The following PLCB2 variants were observed in gnomAD, a reference collection of about 807,000 sequenced individuals.
PLCB2 encodes the protein phospholipase C beta 2.
In PLCB2, 115 loss-of-function variants were observed where a neutral mutation model predicts 141.7. The observed-to-expected ratio is 0.81, with a 90% CI of 0.70 to 0.95. PLCB2 has a LOEUF of 0.95. Ranked by LOEUF, PLCB2 falls within the 40% of genes least tolerant of loss-of-function variation. PLCB2 has a pLI of 0.00. For synonymous variants in PLCB2, 603 were observed against 595.6 expected (o/e 1.01, Z -0.18); for missense variants, 1,403 against 1,541.1 (o/e 0.91, Z 1.50).
At chr15:40,299,317 G>A in intron 7 of PLCB2, 89 bp from the exon 8 acceptor site, 1 of 838,378 alleles carries the variant, frequency 1.2e-6, no homozygotes. Flanking sequence ...AAGGGGACCT[G>A]GTCAGAAGGC....
rs199647108 is a variant in PLCB2, at chr15:40,302,557, A to C, written c.284T>G (p.Leu95Arg). 144 of 1,614,080 alleles carry C rather than the reference A, an allele frequency of 8.9e-5. No homozygotes were observed. Among genetic ancestry groups the C allele is most frequent in the Non-Finnish European group, 1.5e-5 (18 of 1,180,020 alleles). The stretch of plus-strand genomic sequence containing the variant: ...GGACACCACCGTGAGTGTCTTCAGC[A>C]GGAAACTGTTATCAGGAAAGTCCAT... ...FNMDFPDNSF[L>R]LKTLTVVSGP... Residue 95 changes from leucine to arginine, a missense_variant, in exon 4 of 32, where the codon CTG (leucine) becomes CGG (arginine). Leu to Arg is a moderately radical substitution (Grantham distance 102). Coordinates refer to ENST00000260402, the MANE Select transcript of PLCB2 (RefSeq NM_004573.3).
Position 40,298,890 on chromosome 15 carries a change from C to T in PLCB2, c.758G>A (p.Arg253Gln), listed in dbSNP as rs748125161. The change falls in exon 9 of 32, where the codon CGG becomes CAG. Residue 253 changes from arginine (R) to glutamine (Q), a missense_variant. Physicochemically the swap from Arg to Gln is conservative, Grantham distance 43. This residue lies in a region of PLCB2 where 975 missense variants were observed against 1,141.1 expected (regional missense o/e 0.85). Transcript: ENST00000260402. The part of the protein sequence containing the change: ...KFINQKQRDS[R>Q]LNSLLFPPAR... Reference sequence around the variant, plus strand: ...TGGCGGGAACAGCAGGGAGTTAAGCCGGGAGTCCCGCTGTTTCTGGTTGAT... The same window carrying T: ...TGGCGGGAACAGCAGGGAGTTAAGCTGGGAGTCCCGCTGTTTCTGGTTGAT... 50 of 1,611,594 alleles carry T rather than the reference C, an allele frequency of 3.1e-5. No homozygotes were observed. The highest frequency in any genetic ancestry group is 3.9e-5 in the Non-Finnish European group (46 of 1,180,002).
At position 40,297,876 on chromosome 15, in the gene PLCB2, C is replaced by A. The variant is rs371919575; in HGVS notation, c.1238+1G>T. 3.1e-6 allele frequency: 5 copies of A among 1,611,676 alleles called. No individual in the cohort carries two copies. The Admixed American group carries it at 8.3e-5, about 27-fold the overall frequency. Reference sequence around the variant, plus strand: ...GTGGCTGAATGGGCCTGGATACGCACGAGTCCACATGGTTCTCAAACGACA... The same window carrying A: ...GTGGCTGAATGGGCCTGGATACGCAAGAGTCCACATGGTTCTCAAACGACA... On this transcript the variant is annotated splice_donor_variant, in intron 12 of 31. Coordinates refer to ENST00000260402, the MANE Select transcript of PLCB2 (RefSeq NM_004573.3). LOFTEE classifies it high-confidence loss of function. The surrounding 1 kb of genome is among the most constrained non-coding windows in gnomAD (Gnocchi z 4.2).
chr15:40,304,178 C>A, intron 1 of PLCB2, 100 bp from the exon 2 acceptor site: 1 of 755,956 alleles, frequency 1.3e-6, no homozygotes. Flanking sequence ...CCAGGAGGTG[C>A]CCATCCCAGA....
chr15:40,291,115 A>G lies in PLCB2; in HGVS notation c.2939T>C (p.Val980Ala), dbSNP rs1199631860. ...CTCCAGCCTGTCTTTCAGCTCCCGC[A>G]CGCGCCCGTCCACGCCCTCAGGGCC... ...GEGPEGVDGR[V>A]RELKDRLELE... is the part of the protein sequence containing the mutation. Residue 980 changes from valine to alanine, a missense_variant, in exon 27 of 32, where the codon GTG (valine) becomes GCG (alanine). Physicochemically the swap from Val to Ala is moderately conservative, Grantham distance 64. Around this residue, in one of 4 missense-constraint regions of PLCB2, gnomAD observed 290 missense variants for 245.9 expected, o/e 1.18. Transcript: ENST00000260402. 6.3e-7 allele frequency: 1 copy of G among 1,580,756 alleles called. No individual in the cohort carries two copies. Among genetic ancestry groups the G allele is most frequent in the Non-Finnish European group, 8.5e-7 (1 of 1,171,460 alleles).
chr15:40,284,571 G>A (rs772100472), downstream of PLCB2: 63 of 454,390 alleles, frequency 1.4e-4, 1 homozygote, highest in South Asian at 9.8e-4. Flanking sequence ...GCCGGGTGCA[G>A]TGGCTCACGC....
downstream of PLCB2, among the ~76,000 whole-genome samples, chr15:40,286,295 C>A (rs1339311928): frequency 6.6e-6 from 1 of 152,138 alleles, no homozygotes; most frequent in African/African-American, 2.4e-5. Context: ...AGGCCCCAGG[C>A]TGGCAGAAGG....
At position 40,307,896 on chromosome 15, in the gene PLCB2, C is replaced by A; in HGVS notation, c.-224G>T. The A allele has an allele frequency of 2.6e-6, 1 of 379,798 alleles. No individual in the cohort carries two copies. The highest frequency in any genetic ancestry group is 4.7e-6 in the Non-Finnish European group (1 of 213,612). 23.5% of individuals were successfully genotyped at this position (379,798 alleles called of 1,614,324 possible). On this transcript the variant is annotated 5_prime_UTR_variant, in exon 1 of 32. Coordinates refer to ENST00000260402, the MANE Select transcript of PLCB2 (RefSeq NM_004573.3). ...TGCCTTGTAAATCACCCTCCTCCCACCCGCCCTGCCTGCCATGGGGGCCTG... is the reference window on the plus strand; with the variant it reads ...TGCCTTGTAAATCACCCTCCTCCCAACCGCCCTGCCTGCCATGGGGGCCTG...
At position 40,295,238 on chromosome 15, in the gene PLCB2, A is replaced by G; in HGVS notation, c.1744T>C (p.Tyr582His). 1.9e-6 allele frequency: 3 copies of G among 1,613,968 alleles called. No individual in the cohort carries two copies. Among genetic ancestry groups the G allele is most frequent in the Non-Finnish European group, 2.5e-6 (3 of 1,179,846 alleles). ...ACCGAGGCCTTGGAGAGCAGGTCAT[A>G]TGCCTTGAGCTCTGTGAAGGACGAG... ...VISSFTELKA[Y>H]DLLSKASVQF... The change falls in exon 17 of 32, where the codon TAT becomes CAT. Residue 582 changes from tyrosine to histidine, a missense_variant. Physicochemically the swap from Tyr to His is moderately conservative, Grantham distance 83. Transcript: ENST00000260402.
downstream of PLCB2, chr15:40,285,839 G>A (rs1011904138): frequency 2.1e-5 from 21 of 985,362 alleles, 1 homozygote; most frequent in South Asian, 1.9e-4. Flanking sequence ...AACCCAGAAT[G>A]GGCACTTTCT....
chr15:40,294,061 G>A (rs540605243), intron 19 of PLCB2, among the ~76,000 whole-genome samples: 8 of 152,290 alleles, frequency 5.3e-5, no homozygotes, highest in African/African-American at 1.7e-4. Context: ...AGCCCTTCCC[G>A]TTGGTTTCCA....
At chr15:40,286,235 C>T (rs1054498441), downstream of PLCB2, among the ~76,000 whole-genome samples, 1 of 152,036 alleles carries the variant, frequency 6.6e-6, no homozygotes, top group Non-Finnish European at 1.5e-5. Flanking sequence ...GTCATACTCA[C>T]CTCCCCTCCT....
At position 40,298,346 on chromosome 15, in the gene PLCB2, C is replaced by A; in HGVS notation, c.1032G>T (p.Met344Ile). ...GQFSGLSSAE[M>I]YRQVLLSGCR... ...AGCCAGAGAGCAGCACCTGGCGGTACATCTCAGCCGAGGAGAGGCCTGAGA... is the reference window on the plus strand; with the variant it reads ...AGCCAGAGAGCAGCACCTGGCGGTAAATCTCAGCCGAGGAGAGGCCTGAGA... Residue 344 changes from methionine to isoleucine, a missense_variant, in exon 11 of 32, where the codon ATG becomes ATT. Met to Ile is a conservative substitution (Grantham distance 10). Transcript: ENST00000260402. 1 of 1,599,722 alleles carries A rather than the reference C, an allele frequency of 6.3e-7. No individual in the cohort carries two copies. Among genetic ancestry groups the A allele is most frequent in the Non-Finnish European group, 8.5e-7 (1 of 1,170,784 alleles).
chr15:40,292,129 T>C lies in PLCB2; in HGVS notation c.2461A>G (p.Lys821Glu), dbSNP rs755850755. 6.2e-7 allele frequency: 1 copy of C among 1,614,142 alleles called. No homozygotes were observed. The highest frequency in any genetic ancestry group is 2.2e-5 in the East Asian group (1 of 44,876). Reference sequence around the variant, plus strand: ...TTCGTGTCATGGGCACTGAAGAACTTAATGGGGTTGGCGAGGGCCACAGTG... The same window carrying C: ...TTCGTGTCATGGGCACTGAAGAACTCAATGGGGTTGGCGAGGGCCACAGTG... Reference protein sequence around the residue: ...DLTVALANPIKFFSAHDTKSV... With the variant: ...DLTVALANPIEFFSAHDTKSV... Residue 821 changes from lysine (K) to glutamate (E), a missense_variant, in exon 23 of 32, where the codon AAG (lysine) becomes GAG (glutamate). Lys to Glu is a moderately conservative substitution (Grantham distance 56). Around this residue, in one of 4 missense-constraint regions of PLCB2, gnomAD observed 975 missense variants for 1,141.1 expected, o/e 0.85. Coordinates refer to ENST00000260402, the MANE Select transcript of PLCB2 (RefSeq NM_004573.3).
Position 40,288,453 on chromosome 15 carries a change from A to G in PLCB2, c.*262T>C, listed in dbSNP as rs41277676. 0.053 allele frequency: 65,230 copies of G among 1,234,258 alleles called. 2,015 individuals are homozygous for G. The highest frequency in any genetic ancestry group is 0.12 in the South Asian group (3,374 of 28,248). 76.5% of individuals were successfully genotyped at this position (1,234,258 alleles called of 1,614,324 possible). ...ATAGTCTTTTGCCCTCAACAAATAT[A>G]TGACACTTATCTAGAGATGGAGGGG... On this transcript the variant is annotated 3_prime_UTR_variant, in exon 32 of 32. Transcript: ENST00000260402.
chr15:40,287,999 G>T lies in PLCB2; in HGVS notation c.*716C>A. On this transcript the variant is annotated 3_prime_UTR_variant, in exon 32 of 32. Coordinates refer to ENST00000260402, the MANE Select transcript of PLCB2 (RefSeq NM_004573.3). The stretch of plus-strand genomic sequence containing the variant: ...AGAGCAAATGATGCTGACCTTGTCA[G>T]GCAGGCAGCCTGAGAGGGGTACATG... 1 of 985,030 alleles carries T rather than the reference G, an allele frequency of 1.0e-6. No individual in the cohort carries two copies. The highest frequency in any genetic ancestry group is 1.2e-6 in the Non-Finnish European group (1 of 829,564). 61.0% of individuals were successfully genotyped at this position (985,030 alleles called of 1,614,324 possible).
In PLCB2 at chr15:40,296,843, C is replaced by T; in HGVS notation, c.1389G>A (p.Lys463=). The T allele has an allele frequency of 6.2e-7, 1 of 1,614,132 alleles. No individual in the cohort carries two copies. The change falls in exon 14 of 32, where the codon AAG becomes AAA. Residue 463 remains lysine, a synonymous_variant. Transcript: ENST00000260402. ...AGGTGGGGCCAGAAAACTGGTTCTT[C>T]TTGTTCTTGATGAGGATCTTGCCCC... ...DLRGKILIKN[K]KNQFSGPTSS... is the part of the protein sequence containing the mutation.
downstream of PLCB2, chr15:40,285,583 C>A (rs1297606424): frequency 7.8e-5 from 77 of 985,412 alleles, no homozygotes; most frequent in Non-Finnish European, 8.8e-5. Context: ...CTGGGGTGGC[C>A]CCCAGGAATG....
intron 21 of PLCB2, 140 bp from the exon 22 acceptor site, chr15:40,292,583 C>CT (rs2039997985): frequency 3.4e-6 from 2 of 584,020 alleles, no homozygotes; most frequent in South Asian, 4.6e-5. Context: ...CTTTAACTCT[C>CT]TGAGACTTTA....
Sources: gnomAD v4.1 joint callset for allele counts (sites outside exome capture counted in the v4.1 genomes callset) on GRCh38, gnomAD v4.1.1 for gene constraint, gnomAD v4.1.1 regional missense constraint, Gnocchi (gnomAD v3.1) non-coding constraint, MANE v1.5 for transcripts, NCBI Gene and HGNC (gene_info 2026-07-23, HGNC 2026-07-21) for gene names.